The following QTRT2 variants were observed in gnomAD, a reference collection of about 807,000 sequenced individuals.
The protein encoded by QTRT2 is queuine tRNA-ribosyltransferase accessory subunit 2.
QTRT2 carries 32 observed loss-of-function variants against 44.8 expected under a neutral mutation model. The ratio of observed to expected loss-of-function variants is 0.71; its 90% CI spans 0.54 to 0.96. The LOEUF is 0.96. Ranked by LOEUF, QTRT2 falls within the 40% of genes least tolerant of loss-of-function variation. The probability of loss-of-function intolerance (pLI) is 0.00; values close to 1 mark genes in which losing one functional copy is unlikely to be tolerated. For synonymous variants in QTRT2, 182 were observed against 187.4 expected (o/e 0.97, Z 0.24); for missense variants, 461 against 503.1 (o/e 0.92, Z 0.80).
In QTRT2 at chr3:114,088,152, G is replaced by A. The variant is rs1244983816; in HGVS notation, c.*2248G>A. On this transcript the variant is annotated 3_prime_UTR_variant, in exon 10 of 10. Coordinates refer to ENST00000281273, the MANE Select transcript of QTRT2 (RefSeq NM_024638.4). ...TGTTCTATGCTAAATGCATCGTTAG[G>A]GGAGTAGTGGTAAATATTCCAGAAT... The A allele has an allele frequency of 6.6e-6, 1 of 152,164 alleles. No individual in the cohort carries two copies. The highest frequency in any genetic ancestry group is 1.5e-5 in the Non-Finnish European group (1 of 68,026). 9.4% of individuals were successfully genotyped at this position (152,164 alleles called of 1,614,324 possible). A position where few individuals can be genotyped will look rare whatever the true frequency, so the allele number is the denominator to read the frequency against.
intron 9 of QTRT2, among the ~76,000 whole-genome samples, chr3:114,084,346 G>T (rs541452308): frequency 2.0e-5 from 3 of 152,116 alleles, no homozygotes; most frequent in Non-Finnish European, 4.4e-5. Flanking sequence ...GGCCAGGCAT[G>T]GTAGCTCACA....
chr3:114,078,311 T>C (rs1429711082), intron 7 of QTRT2: 1 of 152,242 alleles, frequency 6.6e-6, no homozygotes. Flanking sequence ...TGTTTTTCTT[T>C]CTATAAGTGT....
At chr3:114,074,606 T>G (rs538422940) in intron 6 of QTRT2, among the ~76,000 whole-genome samples, 81 of 152,368 alleles carry the variant, frequency 5.3e-4, no homozygotes, top group Non-Finnish European at 1.1e-3. Context: ...TCTAGAGGAA[T>G]AGTCTGATTA....
chr3:114,067,770 A>C (rs920133188), intron 4 of QTRT2, among the ~76,000 whole-genome samples: 1 of 152,160 alleles, frequency 6.6e-6, no homozygotes, highest in Non-Finnish European at 1.5e-5. Flanking sequence ...CTCAGTACCT[A>C]TTTATTAGAC....
At chr3:114,061,889 C>T (rs992338293) in intron 2 of QTRT2, among the ~76,000 whole-genome samples, 1 of 151,628 alleles carries the variant, frequency 6.6e-6, no homozygotes, top group Non-Finnish European at 1.5e-5. Flanking sequence ...AAGCCACTTT[C>T]TTTTTATGAC....
intron 2 of QTRT2, among the ~76,000 whole-genome samples, chr3:114,059,060 G>A (rs1368204525): frequency 6.6e-6 from 1 of 152,202 alleles, no homozygotes; most frequent in Non-Finnish European, 1.5e-5. Flanking sequence ...GCAGTATGTA[G>A]AGAATCCAGC....
intron 7 of QTRT2, chr3:114,077,300 T>C (rs924087842): frequency 4.4e-6 from 1 of 226,224 alleles, no homozygotes; most frequent in African/African-American, 2.3e-5. Context: ...GGAATGCTGG[T>C]TTAAATTGAG....
chr3:114,067,899 A>C, intron 4 of QTRT2, 88 bp from the exon 5 acceptor site: 1 of 1,092,024 alleles, frequency 9.2e-7, no homozygotes, highest in Non-Finnish European at 1.4e-6. Flanking sequence ...TTTATTCAGC[A>C]GTACACATTG....
intron 9 of QTRT2, among the ~76,000 whole-genome samples, chr3:114,084,064 T>C (rs1011739881): frequency 3.3e-5 from 5 of 150,250 alleles, no homozygotes; most frequent in Non-Finnish European, 5.9e-5. Flanking sequence ...TTTTTTCTTT[T>C]TTTTTTTTTT....
intron 8 of QTRT2, among the ~76,000 whole-genome samples, chr3:114,082,105 C>A (rs1356594733): frequency 6.6e-6 from 1 of 151,968 alleles, no homozygotes; most frequent in Non-Finnish European, 1.5e-5. Flanking sequence ...AGAATACATA[C>A]ATTAAAACCA....
intron 3 of QTRT2, 50 bp from the exon 4 acceptor site, chr3:114,066,167 GTACAGAGTATT>G: frequency 8.1e-7 from 1 of 1,234,470 alleles, no homozygotes; most frequent in Non-Finnish European, 1.2e-6. Flanking sequence ...GGCTCCAGTT[GTACAGAGTATT>G]TACAGAATGA....
At chr3:114,069,474 T>C (rs2076997032) in intron 5 of QTRT2, among the ~76,000 whole-genome samples, 2 of 152,184 alleles carry the variant, frequency 1.3e-5, no homozygotes, top group Admixed American at 1.3e-4. Context: ...TAGCCCCCAC[T>C]TATAAGTGAG....
chr3:114,070,592 C>G (rs1219367806), intron 5 of QTRT2, 34 bp from the exon 6 acceptor site: 1 of 1,550,684 alleles, frequency 6.4e-7, no homozygotes. Context: ...GCATTTTACT[C>G]TTGCTAATTC....
intron 8 of QTRT2, among the ~76,000 whole-genome samples, chr3:114,082,207 C>CACACACAA (rs2077175431): frequency 5.9e-4 from 2 of 3,396 alleles, no homozygotes; most frequent in African/African-American, 7.8e-4. Context: ...AACCCCACCA[C>CACACACAA]ACACACACAC....
At chr3:114,064,080 C>A (rs1008645976) in intron 2 of QTRT2, among the ~76,000 whole-genome samples, 2 of 151,868 alleles carry the variant, frequency 1.3e-5, no homozygotes, top group African/African-American at 4.8e-5. Flanking sequence ...CTGGGCATGG[C>A]GGCACACACC....
chr3:114,065,532 TA>T (rs1434175586), intron 3 of QTRT2, 75 bp downstream of exon 3: 43 of 1,139,700 alleles, frequency 3.8e-5, no homozygotes, highest in East Asian at 1.5e-4. Flanking sequence ...AAAAGAGAAA[TA>T]TTTTTTTTTG....
chr3:114,065,429 G>C lies in QTRT2; in HGVS notation c.172G>C (p.Ala58Pro). ...HTLHNIHGVP[A>P]MAQLTLSSLA... is the part of the protein sequence containing the mutation. ...GCTGCATAATATCCACGGGGTTCCT[G>C]CCATGGCTCAGCTTACGCTGTCATC... is the stretch of plus-strand genomic sequence containing the variant. Residue 58 changes from alanine to proline, a missense_variant, in exon 3 of 10, where the codon GCC becomes CCC. Transcript: ENST00000281273. The C allele has an allele frequency of 6.2e-7, 1 of 1,613,952 alleles. No homozygotes were observed. The highest frequency in any genetic ancestry group is 1.1e-5 in the South Asian group (1 of 91,076).
At position 114,057,045 on chromosome 3, in the gene QTRT2, G is replaced by C; in HGVS notation, c.-83G>C. ...CTGTAAGTTCAGATTCTCATAAATC[G>C]TGTGAGCGTCGCCGACACCTCTGAG... On this transcript the variant is annotated 5_prime_UTR_variant, in exon 2 of 10. Transcript: ENST00000281273. The C allele has an allele frequency of 7.2e-7, 1 of 1,385,222 alleles. No individual in the cohort carries two copies. Among genetic ancestry groups the C allele is most frequent in the South Asian group, 1.7e-5 (1 of 59,738 alleles). 85.8% of individuals were successfully genotyped at this position (1,385,222 alleles called of 1,614,324 possible). A position where few individuals can be genotyped will look rare whatever the true frequency, so the allele number is the denominator to read the frequency against.
chr3:114,079,772 A>G (rs1398648804), intron 7 of QTRT2, 134 bp from the exon 8 acceptor site: 21 of 769,408 alleles, frequency 2.7e-5, no homozygotes, highest in Non-Finnish European at 2.8e-5. Flanking sequence ...GTTGCTGTCC[A>G]CTGCCTGCCA....
Sources: allele counts gnomAD v4.1 joint callset (sites outside exome capture counted in the v4.1 genomes callset), GRCh38; gene constraint gnomAD v4.1.1; transcripts MANE v1.5; gene names NCBI Gene and HGNC (gene_info 2026-07-23, HGNC 2026-07-21).